Variants in FAM83A observed in about 807,000 individuals in gnomAD.
FAM83A encodes the protein scaffolding CK1 anchoring protein A.
In FAM83A, 21 loss-of-function variants were observed where a neutral mutation model predicts 24.4. The ratio of observed to expected loss-of-function variants is 0.86; its 90% CI spans 0.61 to 1.24. The LOEUF is 1.24. FAM83A is among the 50% of genes most tolerant of loss of function. The probability of loss-of-function intolerance (pLI) is 0.00; values close to 1 mark genes in which losing one functional copy is unlikely to be tolerated. For missense variants in FAM83A, 617 were observed against 579.8 expected, an observed-to-expected ratio of 1.06 and a Z score of -0.66; for synonymous variants, 270 against 252.4, an observed-to-expected ratio of 1.07 and a Z score of -0.66.
chr8:123,209,640 C>A lies in FAM83A; in HGVS notation c.*1952C>A. ...AAGCTTGCCAGGTCACAGAAGCTCC[C>A]AAGCCCAGCTTTCCAAAGGCCTCAG... On this transcript the variant is annotated 3_prime_UTR_variant, in exon 4 of 4. Coordinates refer to ENST00000690554, the Ensembl canonical transcript of FAM83A. The surrounding 1 kb of genome is among the most constrained non-coding windows in gnomAD (Gnocchi z 4.7). The A allele has an allele frequency of 7.1e-7, 1 of 1,405,924 alleles. No homozygotes were observed. Among genetic ancestry groups the A allele is most frequent in the Non-Finnish European group, 9.9e-7 (1 of 1,013,818 alleles). 87.1% of individuals were successfully genotyped at this position (1,405,924 alleles called of 1,614,324 possible).
intron 2 of FAM83A, among the ~76,000 whole-genome samples, chr8:123,192,471 A>T (rs569789883): frequency 7.2e-5 from 11 of 152,342 alleles, no homozygotes; most frequent in African/African-American, 2.6e-4. Context: ...TCTTGGACTT[A>T]ACTGAACCCC....
At chr8:123,191,749 AG>A in intron 1 of FAM83A, 53 bp from the exon 2 acceptor site, 1 of 1,591,754 alleles carries the variant, frequency 6.3e-7, no homozygotes. Flanking sequence ...GGGTGAAACC[AG>A]TTAGCACCTG....
chr8:123,198,989 C>T (rs1342611669), intron 3 of FAM83A, among the ~76,000 whole-genome samples: 1 of 152,204 alleles, frequency 6.6e-6, no homozygotes, highest in East Asian at 1.9e-4. Context: ...ATGCGCCCTC[C>T]TCGGCCTCCG....
At chr8:123,181,800 T>C, upstream of FAM83A, 1 of 312,444 alleles carries the variant, frequency 3.2e-6, no homozygotes, top group South Asian at 2.8e-5. Flanking sequence ...CCTTCCCGTT[T>C]CTCTTCCCCA....
rs569074643 is a variant in FAM83A, at chr8:123,209,291, T to A, written c.*1603T>A. The A allele has an allele frequency of 7.3e-7, 1 of 1,363,358 alleles. No homozygotes were observed. The highest frequency in any genetic ancestry group is 1.5e-5 in the African/African-American group (1 of 67,932). The allele number at this position is 1,363,358 out of a possible 1,614,324, so 84.5% of individuals were successfully genotyped here. A position where few individuals can be genotyped will look rare whatever the true frequency, so the allele number is the denominator to read the frequency against. ...GCCTGTGGCATCCTCCCTAGTCCCC[T>A]CTGCCCATCCATCCCTCTGTTCCAA... On this transcript the variant is annotated 3_prime_UTR_variant, in exon 4 of 4. Transcript: ENST00000690554. The surrounding 1 kb of genome is among the most constrained non-coding windows in gnomAD (Gnocchi z 4.7).
intron 3 of FAM83A, 47 bp from the exon 4 acceptor site, chr8:123,207,087 CTCCTCCTCCACTTCCCCTCCCCA>C: frequency 1.5e-6 from 1 of 689,008 alleles, no homozygotes; most frequent in Non-Finnish European, 2.0e-6. Flanking sequence ...TCCCCTCCCC[CTCCTCCTCCACTTCCCCTCCCCA>C]TCCTTCCCCC....
At chr8:123,193,100 C>T (rs11782844) in intron 2 of FAM83A, among the ~76,000 whole-genome samples, 27,571 of 152,214 alleles carry the variant, frequency 0.18, 2,686 homozygotes, top group Admixed American at 0.24. Context: ...ACACTTTACC[C>T]ACTCTTCCAT....
intron 3 of FAM83A, among the ~76,000 whole-genome samples, chr8:123,197,951 G>A (rs1824217005): frequency 6.6e-6 from 1 of 152,118 alleles, no homozygotes; most frequent in Non-Finnish European, 1.5e-5. Flanking sequence ...CCAACATGGT[G>A]AAACCCTGCC....
chr8:123,193,848 A>G (rs974243325), intron 2 of FAM83A, among the ~76,000 whole-genome samples, 176 bp from the exon 3 acceptor site: 1 of 151,932 alleles, frequency 6.6e-6, no homozygotes, highest in Admixed American at 6.6e-5. Context: ...ATTCATGAGC[A>G]CTCCATCTTC....
chr8:123,194,248 G>A (rs912474607), intron 3 of FAM83A, 100 bp downstream of exon 3: 2 of 1,519,468 alleles, frequency 1.3e-6, no homozygotes, highest in African/African-American at 1.4e-5. Flanking sequence ...ACCCCCAGCA[G>A]CTCCCAGAAG....
At chr8:123,193,413 C>A (rs899187880) in intron 2 of FAM83A, among the ~76,000 whole-genome samples, 1 of 152,168 alleles carries the variant, frequency 6.6e-6, no homozygotes, top group African/African-American at 2.4e-5. Flanking sequence ...CCTTGCTTTT[C>A]TTTTATTTGC....
In FAM83A at chr8:123,183,239, A is replaced by G. The variant is rs1364384716; in HGVS notation, c.383A>G (p.Tyr128Cys). 3.7e-6 allele frequency: 6 copies of G among 1,613,406 alleles called. No homozygotes were observed. In the Admixed American group the frequency reaches 6.7e-5, roughly 18 times the overall value. Residue 128 changes from tyrosine (Y) to cysteine (C), a missense_variant, in exon 1 of 4, where the codon TAC (tyrosine) becomes TGC (cysteine). Transcript: ENST00000690554. The stretch of plus-strand genomic sequence containing the variant: ...AGCTGGGCCTCAGCTGAGAAGCCCT[A>G]CCTGAAGGAAAAATCCAGCGCCACT...
chr8:123,190,457 C>T (rs984529996), intron 1 of FAM83A, among the ~76,000 whole-genome samples: 1 of 150,402 alleles, frequency 6.6e-6, no homozygotes, highest in African/African-American at 2.4e-5. Context: ...TAGAGACGAG[C>T]TTTCACCATG....
intron 3 of FAM83A, among the ~76,000 whole-genome samples, chr8:123,206,347 C>T (rs1407017594): frequency 1.3e-5 from 2 of 152,164 alleles, no homozygotes; most frequent in Non-Finnish European, 2.9e-5. Flanking sequence ...CGGTGCTCCT[C>T]CTCCACTCAT....
rs138501891 is a variant in FAM83A at position 123,204,297 on chromosome 8, C to G, written c.774-2860C>G. Among the ~76,000 whole-genome samples the G allele has an allele frequency of 4.6e-3, 697 of 152,166 alleles. 7 individuals are homozygous for G. Among genetic ancestry groups the G allele is most frequent in the African/African-American group, 0.015 (640 of 41,506 alleles). Reference sequence around the variant, plus strand: ...GAAAAAATTTTTAAAAAAGATGTGACCTTTTCTTTTAGGTAGTGGGTTCAT... The same window carrying G: ...GAAAAAATTTTTAAAAAAGATGTGAGCTTTTCTTTTAGGTAGTGGGTTCAT... On this transcript the variant is annotated intron_variant, in intron 3 of 3. Transcript: ENST00000690554.
intron 1 of FAM83A, among the ~76,000 whole-genome samples, chr8:123,185,823 C>T (rs550496254): frequency 1.3e-5 from 2 of 152,350 alleles, no homozygotes; most frequent in Admixed American, 6.5e-5. Flanking sequence ...CGGAGTCTCA[C>T]TCTGTCGCCC....
chr8:123,184,585 C>G (rs1236176881), intron 1 of FAM83A, among the ~76,000 whole-genome samples: 1 of 152,102 alleles, frequency 6.6e-6, no homozygotes, highest in South Asian at 2.1e-4. Flanking sequence ...CCCAATGCCC[C>G]GAGATCTCCA....
chr8:123,208,437 G>A (rs1264063330), exon 4 of FAM83A: 1 of 985,386 alleles, frequency 1.0e-6, no homozygotes, highest in Non-Finnish European at 1.2e-6. Context: ...GTCTAGACTG[G>A]ACCTAGGAGC....
Position 123,209,387 on chromosome 8 carries a change from A to G in FAM83A, c.*1699A>G, listed in dbSNP as rs1199608160. 5.8e-6 allele frequency: 9 copies of G among 1,539,206 alleles called. No individual in the cohort carries two copies. The highest frequency in any genetic ancestry group is 7.9e-6 in the Non-Finnish European group (9 of 1,144,902). ...TTCTTTTATTATTATTATTATTATT[A>G]ATTATTGTATTCCTGTCCTTCACTT... On this transcript the variant is annotated 3_prime_UTR_variant, in exon 4 of 4. Coordinates refer to ENST00000690554, the Ensembl canonical transcript of FAM83A. The surrounding 1 kb of genome is among the most constrained non-coding windows in gnomAD (Gnocchi z 4.7).
Sources: allele counts gnomAD v4.1 joint callset (sites outside exome capture counted in the v4.1 genomes callset), GRCh38; gene constraint gnomAD v4.1.1; non-coding constraint Gnocchi (gnomAD v3.1); transcripts MANE v1.5; gene names NCBI Gene and HGNC (gene_info 2026-07-23, HGNC 2026-07-21).